The following CREBBP variants were observed in gnomAD, a reference collection of about 807,000 sequenced individuals.
CREBBP encodes CREB binding lysine acetyltransferase.
A neutral mutation model predicts 265.0 loss-of-function variants in CREBBP; 19 were observed. The observed-to-expected ratio is 0.07, with a 90% CI of 0.05 to 0.11. The LOEUF is 0.11. Among genes scored for constraint, CREBBP ranks in the 10% least tolerant of loss-of-function variants. The probability of loss-of-function intolerance (pLI) is 1.00; values close to 1 mark genes in which losing one functional copy is unlikely to be tolerated. For missense variants in CREBBP, 2,525 were observed against 3,219.0 expected, an observed-to-expected ratio of 0.78 and a Z score of 5.22; for synonymous variants, 1,457 against 1,223.7, an observed-to-expected ratio of 1.19 and a Z score of -3.98.
At chr16:3,761,888 A>T (rs541508792) in intron 16 of CREBBP, among the ~76,000 whole-genome samples, 40 of 152,302 alleles carry the variant, frequency 2.6e-4, no homozygotes, top group South Asian at 1.7e-3. Context: ...TAGCCTTTTG[A>T]TTTCTCTGAA....
At chr16:3,758,621 G>A (rs2052640207) in intron 17 of CREBBP, among the ~76,000 whole-genome samples, 1 of 152,220 alleles carries the variant, frequency 6.6e-6, no homozygotes. Context: ...TCAGGGGCAT[G>A]TGCTTCCCTT....
chr16:3,808,873 C>T (rs1270789259), intron 3 of CREBBP, among the ~76,000 whole-genome samples: 1 of 152,122 alleles, frequency 6.6e-6, no homozygotes, highest in Non-Finnish European at 1.5e-5. Context: ...ACTGTCCTTT[C>T]GGTGAGGACT....
intron 16 of CREBBP, among the ~76,000 whole-genome samples, chr16:3,759,479 C>A (rs192971773): frequency 2.0e-5 from 3 of 151,580 alleles, no homozygotes. Flanking sequence ...CCCCGCTACT[C>A]GAGAGGGTGA....
intron 2 of CREBBP, among the ~76,000 whole-genome samples, chr16:3,846,432 T>C (rs1351954269): frequency 1.3e-5 from 2 of 152,220 alleles, no homozygotes; most frequent in African/African-American, 2.4e-5. Context: ...CAGTATCTTT[T>C]AATTCAGAAA....
chr16:3,843,609 T>C (rs1350062371), intron 2 of CREBBP, among the ~76,000 whole-genome samples: 1 of 151,856 alleles, frequency 6.6e-6, no homozygotes, highest in Non-Finnish European at 1.5e-5. Context: ...TTTTTAAAGA[T>C]AGGGTCTCCC....
At chr16:3,772,065 A>G (rs2053023728) in intron 13 of CREBBP, among the ~76,000 whole-genome samples, 2 of 152,108 alleles carry the variant, frequency 1.3e-5, no homozygotes, top group Non-Finnish European at 2.9e-5. Flanking sequence ...CTGAAACCTC[A>G]GAAAGTGAAA....
chr16:3,802,923 G>A (rs2053747767), intron 3 of CREBBP, among the ~76,000 whole-genome samples: 1 of 151,978 alleles, frequency 6.6e-6, no homozygotes, highest in Admixed American at 6.5e-5. Flanking sequence ...GCAGAACAAG[G>A]GCTGGCTCTG....
rs760080776 is a variant in CREBBP, at chr16:3,850,281, G to C, written c.798+16C>G. ...CGGTTAGGTAGGAAGTATTGAAAGT[G>C]CTTCAGTTCACTTACCTTGGCCATG... On this transcript the variant is annotated intron_variant, in intron 2 of 30. Coordinates refer to ENST00000262367, the MANE Select transcript of CREBBP (RefSeq NM_004380.3). The C allele has an allele frequency of 6.8e-6, 11 of 1,613,570 alleles. No homozygotes were observed. The highest frequency in any genetic ancestry group is 6.8e-6 in the Non-Finnish European group (8 of 1,179,562).
chr16:3,856,697 G>T (rs982875056), intron 1 of CREBBP, among the ~76,000 whole-genome samples: 6 of 152,344 alleles, frequency 3.9e-5, no homozygotes, highest in African/African-American at 1.2e-4. Context: ...AGGAACTGGA[G>T]CCATTACCAT....
At chr16:3,810,133 G>A (rs1256314888) in intron 3 of CREBBP, among the ~76,000 whole-genome samples, 2 of 152,130 alleles carry the variant, frequency 1.3e-5, no homozygotes, top group East Asian at 3.8e-4. Flanking sequence ...AAACCTCAGG[G>A]AGGATGAAGA....
At chr16:3,876,710 G>A (rs2055410700) in intron 1 of CREBBP, among the ~76,000 whole-genome samples, 1 of 152,128 alleles carries the variant, frequency 6.6e-6, no homozygotes, top group Non-Finnish European at 1.5e-5. Context: ...ATCAAATTCT[G>A]TGCCTCTCCA....
At chr16:3,851,801 C>A (rs1441377271) in intron 1 of CREBBP, among the ~76,000 whole-genome samples, 1 of 143,720 alleles carries the variant, frequency 7.0e-6, no homozygotes, top group African/African-American at 2.7e-5. Flanking sequence ...TTGCAGTGAG[C>A]CGAGATTGCG....
intron 8 of CREBBP, among the ~76,000 whole-genome samples, chr16:3,780,339 C>T (rs1206158386): frequency 3.9e-5 from 6 of 151,910 alleles, no homozygotes; most frequent in Non-Finnish European, 5.9e-5. Flanking sequence ...TAAACTTTTC[C>T]AATTCTGAGG....
At chr16:3,806,077 G>T (rs1010628482) in intron 3 of CREBBP, among the ~76,000 whole-genome samples, 6 of 152,198 alleles carry the variant, frequency 3.9e-5, no homozygotes, top group African/African-American at 7.2e-5. Context: ...TCGGATGCAG[G>T]TGGGGCCATG....
intron 1 of CREBBP, among the ~76,000 whole-genome samples, chr16:3,852,664 G>C (rs1173824712): frequency 2.0e-5 from 3 of 152,104 alleles, no homozygotes; most frequent in Non-Finnish European, 2.9e-5. Context: ...CATACAGGAA[G>C]ATGAGAAGCA....
chr16:3,821,401 G>A (rs1490461143), intron 2 of CREBBP, among the ~76,000 whole-genome samples: 2 of 152,204 alleles, frequency 1.3e-5, no homozygotes, highest in Non-Finnish European at 2.9e-5. Context: ...CTTTCCAGGA[G>A]ACTGGGGAGT....
chr16:3,745,214 C>T (rs2151355035), intron 22 of CREBBP, 63 bp downstream of exon 22: 3 of 1,440,892 alleles, frequency 2.1e-6, no homozygotes, highest in South Asian at 1.2e-5. Context: ...GCAGTAGCCA[C>T]TGCAACTGCC....
intron 16 of CREBBP, among the ~76,000 whole-genome samples, chr16:3,766,417 G>T (rs1398543779): frequency 1.3e-5 from 2 of 151,960 alleles, no homozygotes; most frequent in Non-Finnish European, 2.9e-5. Flanking sequence ...CCTTAATAAC[G>T]CCACTATTCT....
chr16:3,782,599 C>T, intron 6 of CREBBP, 85 bp downstream of exon 6: 1 of 1,538,316 alleles, frequency 6.5e-7, no homozygotes. Context: ...ACAAAACAAA[C>T]TGAAAACTGC....
Sources: allele counts gnomAD v4.1 joint callset (sites outside exome capture counted in the v4.1 genomes callset), GRCh38; gene constraint gnomAD v4.1.1; transcripts MANE v1.5; gene names NCBI Gene and HGNC (gene_info 2026-07-23, HGNC 2026-07-21).